The following FAM193A variants were observed in gnomAD, a reference collection of about 807,000 sequenced individuals.
FAM193A encodes family with sequence similarity 193 member A, also known as protein FAM193A.
A neutral mutation model predicts 126.5 loss-of-function variants in FAM193A; 22 were observed. The ratio of observed to expected loss-of-function variants is 0.17; its 90% confidence interval spans 0.12 to 0.25. The LOEUF is 0.25. FAM193A is among the 10% of genes least tolerant of loss of function. The probability of loss-of-function intolerance (pLI) is 1.00; values close to 1 mark genes in which losing one functional copy is unlikely to be tolerated. For missense variants in FAM193A, 1,675 were observed against 1,672.8 expected, an observed-to-expected ratio of 1.00 and a Z score of -0.02; for synonymous variants, 761 against 646.8, an observed-to-expected ratio of 1.18 and a Z score of -2.68.
chr4:2,640,106 C>A (rs1744466923), intron 6 of FAM193A, among the ~76,000 whole-genome samples: 1 of 152,164 alleles, frequency 6.6e-6, no homozygotes. Flanking sequence ...TACAGAAAAG[C>A]TACAGTAAAT....
intron 14 of FAM193A, among the ~76,000 whole-genome samples, chr4:2,690,034 G>A (rs1285650270): frequency 1.3e-5 from 2 of 152,344 alleles, no homozygotes; most frequent in East Asian, 1.9e-4. Flanking sequence ...GAGCAGTGGT[G>A]ACAGCCAGAC....
Position 2,625,280 on chromosome 4 carries a change from C to T in FAM193A, c.520C>T (p.His174Tyr). ...DQPVSQDFLL[H>Y]SSLGGSQPEA... ...AAAACAGAGCCAAGATTTTCTTCTTCACTCCTCGCTTGGTGGCTCCCAGCC... is the reference window on the plus strand; with the variant it reads ...AAAACAGAGCCAAGATTTTCTTCTTTACTCCTCGCTTGGTGGCTCCCAGCC... The change falls in exon 3 of 21, where the codon CAC becomes TAC. Residue 174 changes from histidine (H) to tyrosine (Y), a missense_variant. Around this residue, in one of 4 missense-constraint regions of FAM193A, gnomAD observed 1,186 missense variants for 1,109.2 expected, o/e 1.07. Transcript: ENST00000637812. The T allele has an allele frequency of 1.4e-6, 1 of 702,376 alleles. No individual in the cohort carries two copies. The highest frequency in any genetic ancestry group is 1.5e-5 in the South Asian group (1 of 67,542). 43.5% of individuals were successfully genotyped at this position (702,376 alleles called of 1,614,324 possible). A position where few individuals can be genotyped will look rare whatever the true frequency, so the allele number is the denominator to read the frequency against.
In FAM193A at chr4:2,579,861, A is replaced by G. The variant is rs1227064295; in HGVS notation, c.256-16223A>G. Reference sequence around the variant, plus strand: ...TAAATTAGTTTAACCATTGTGGAAGATGATATGGCAATTCCACAAAGACCT... The same window carrying G: ...TAAATTAGTTTAACCATTGTGGAAGGTGATATGGCAATTCCACAAAGACCT... On this transcript the variant is annotated intron_variant, in intron 1 of 20. Coordinates refer to ENST00000637812, the MANE Select transcript of FAM193A (RefSeq NM_001366318.2). Among the ~76,000 whole-genome samples the G allele has an allele frequency of 2.6e-5, 4 of 152,348 alleles. No homozygotes were observed. In the East Asian group the frequency reaches 7.7e-4, roughly 29 times the overall value.
intron 13 of FAM193A, among the ~76,000 whole-genome samples, chr4:2,687,032 T>C (rs2109245837): frequency 6.6e-6 from 1 of 152,298 alleles, no homozygotes; most frequent in Admixed American, 6.5e-5. Context: ...GTGGCCCGTC[T>C]GGACCTGTTT....
chr4:2,685,997 T>C (rs1715698534), intron 13 of FAM193A, among the ~76,000 whole-genome samples: 1 of 152,224 alleles, frequency 6.6e-6, no homozygotes. Flanking sequence ...TCTGATTCAA[T>C]AGCGTAGTCC....
At chr4:2,576,544 A>C (rs868810256) in intron 1 of FAM193A, among the ~76,000 whole-genome samples, 3 of 152,182 alleles carry the variant, frequency 2.0e-5, no homozygotes, top group Middle Eastern at 3.2e-3. Flanking sequence ...ACTGCACCCC[A>C]GTCTGGGTGA....
At chr4:2,722,721 C>T (rs1720298092) in intron 20 of FAM193A, among the ~76,000 whole-genome samples, 2 of 152,128 alleles carry the variant, frequency 1.3e-5, no homozygotes, top group Non-Finnish European at 2.9e-5. Context: ...TGGGCATTCA[C>T]GAATGTTTGT....
intron 13 of FAM193A, among the ~76,000 whole-genome samples, chr4:2,673,895 TA>T (rs1276544325): frequency 6.6e-6 from 1 of 152,198 alleles, no homozygotes; most frequent in Non-Finnish European, 1.5e-5. Flanking sequence ...CTTAGGAAAT[TA>T]GAGATCTATA....
At chr4:2,702,958 A>T (rs1328966044) in intron 19 of FAM193A, among the ~76,000 whole-genome samples, 2 of 150,720 alleles carry the variant, frequency 1.3e-5, no homozygotes, top group Non-Finnish European at 1.5e-5. Flanking sequence ...TTTCTCCCCT[A>T]CCCAGTTCCT....
intron 1 of FAM193A, among the ~76,000 whole-genome samples, chr4:2,565,575 A>T (rs1011277470): frequency 4.1e-5 from 6 of 145,930 alleles, no homozygotes; most frequent in Non-Finnish European, 9.0e-5. Flanking sequence ...ACTTTGTAAT[A>T]AAAAAAAAAA....
intron 2 of FAM193A, among the ~76,000 whole-genome samples, chr4:2,607,420 T>C (rs1376867076): frequency 2.0e-5 from 3 of 152,182 alleles, no homozygotes; most frequent in Non-Finnish European, 4.4e-5. Flanking sequence ...AGAGGACATT[T>C]TGGTACAAAT....
intron 5 of FAM193A, among the ~76,000 whole-genome samples, chr4:2,636,932 A>G (rs867505047): frequency 2.0e-5 from 3 of 152,288 alleles, no homozygotes; most frequent in South Asian, 2.1e-4. Flanking sequence ...CAGAAATGCA[A>G]CTTTACTGGA....
intron 1 of FAM193A, among the ~76,000 whole-genome samples, chr4:2,568,973 C>CTTTTTTTTTTTTTTTTTTTTTTTTTTTT (rs753557878): frequency 8.8e-5 from 8 of 90,722 alleles, no homozygotes; most frequent in Non-Finnish European, 1.2e-4. Flanking sequence ...TGTTGTTTTG[C>CTTTTTTTTTTTTTTTTTTTTTTTTTTTT]TTTTTTTTTT....
At chr4:2,681,364 A>G (rs985833285) in intron 13 of FAM193A, among the ~76,000 whole-genome samples, 2 of 151,532 alleles carry the variant, frequency 1.3e-5, no homozygotes, top group African/African-American at 4.9e-5. Flanking sequence ...TCTGCTCTAA[A>G]TTACCTTTCT....
intron 6 of FAM193A, 144 bp from the exon 7 acceptor site, chr4:2,646,541 T>A: frequency 1.3e-6 from 1 of 792,794 alleles, no homozygotes; most frequent in Non-Finnish European, 2.0e-6. Context: ...CACAGCTCCC[T>A]GCTGTGGTGC....
intron 1 of FAM193A, among the ~76,000 whole-genome samples, chr4:2,595,849 G>C (rs1291360141): frequency 1.3e-5 from 2 of 152,014 alleles, no homozygotes; most frequent in Non-Finnish European, 2.9e-5. Context: ...AAGGTGAAGG[G>C]GTTAATTTTG....
At chr4:2,675,463 C>T (rs767054069) in intron 13 of FAM193A, among the ~76,000 whole-genome samples, 11 of 152,162 alleles carry the variant, frequency 7.2e-5, no homozygotes, top group South Asian at 2.1e-4. Context: ...ATTGTTACGT[C>T]GTCTTGGAGA....
chr4:2,566,753 T>C (rs530016141), intron 1 of FAM193A, among the ~76,000 whole-genome samples: 3 of 152,250 alleles, frequency 2.0e-5, no homozygotes, highest in Non-Finnish European at 2.9e-5. Context: ...CTAAGAATAA[T>C]GTAAATAGTC....
intron 2 of FAM193A, among the ~76,000 whole-genome samples, chr4:2,620,341 A>G (rs893415520): frequency 2.0e-5 from 3 of 152,184 alleles, no homozygotes; most frequent in Non-Finnish European, 2.9e-5. Context: ...CTGATGTACC[A>G]TAGTGAGCAA....
Sources: allele counts gnomAD v4.1 joint callset (sites outside exome capture counted in the v4.1 genomes callset), GRCh38; gene constraint gnomAD v4.1.1; regional missense constraint gnomAD v4.1.1; transcripts MANE v1.5; gene names NCBI Gene and HGNC (gene_info 2026-07-23, HGNC 2026-07-21).